Variants in CLMN observed in about 807,000 individuals in gnomAD.
The protein encoded by CLMN is calmin (calponin-like, transmembrane).
A neutral mutation model predicts 92.7 loss-of-function variants in CLMN; 57 were observed. The observed-to-expected ratio is 0.61, with a 90% CI of 0.50 to 0.77. The LOEUF is 0.77. Ranked by LOEUF, CLMN falls within the 30% of genes least tolerant of loss-of-function variation. The pLI is 0.00. For missense variants in CLMN, 1,158 were observed against 1,237.5 expected, an observed-to-expected ratio of 0.94 and a Z score of 0.96; for synonymous variants, 466 against 470.6, an observed-to-expected ratio of 0.99 and a Z score of 0.13.
intron 1 of CLMN, among the ~76,000 whole-genome samples, chr14:95,269,246 T>C (rs1899610661): frequency 6.6e-6 from 1 of 152,246 alleles, no homozygotes; most frequent in African/African-American, 2.4e-5. Flanking sequence ...ACATCCTTTT[T>C]GTATTCTTAA....
rs1398869782 is a variant in CLMN, at chr14:95,294,468, G to A, written c.82+25243C>T. 6.6e-6 allele frequency among the ~76,000 whole-genome samples: 1 copy of A among 152,154 alleles called. No homozygotes were observed. The highest frequency in any genetic ancestry group is 6.5e-5 in the Admixed American group (1 of 15,278). Reference sequence around the variant, plus strand: ...CCAGTCTGGGCCAAGAGGCATCCGCGGGGAAGGATCCTGTCCAACAGAAAG... The same window carrying A: ...CCAGTCTGGGCCAAGAGGCATCCGCAGGGAAGGATCCTGTCCAACAGAAAG... On this transcript the variant is annotated intron_variant, in intron 1 of 12. Transcript: ENST00000298912. The surrounding 1 kb of genome is among the most constrained non-coding windows in gnomAD (Gnocchi z 4.2).
At chr14:95,307,602 A>G (rs953671166) in intron 1 of CLMN, 3 of 152,280 alleles carry the variant, frequency 2.0e-5, no homozygotes, top group African/African-American at 7.2e-5. Context: ...TGGGAACTCA[A>G]TACAGGCCAT....
At chr14:95,263,810 G>C (rs976387252) in intron 1 of CLMN, among the ~76,000 whole-genome samples, 1 of 152,138 alleles carries the variant, frequency 6.6e-6, no homozygotes, top group African/African-American at 2.4e-5. Flanking sequence ...CACCTTGGGG[G>C]GTTGTTGTGA....
chr14:95,311,660 C>T (rs1027264074), intron 1 of CLMN, among the ~76,000 whole-genome samples: 2 of 152,122 alleles, frequency 1.3e-5, no homozygotes, highest in Non-Finnish European at 2.9e-5. Context: ...ACTGCATGGG[C>T]CCGTCTGGGA....
Position 95,294,616 on chromosome 14 carries a change from A to T in CLMN, c.82+25095T>A, listed in dbSNP as rs1900732803. 2.6e-5 allele frequency among the ~76,000 whole-genome samples: 4 copies of T among 152,192 alleles called. No individual in the cohort carries two copies. In the South Asian group the frequency reaches 8.3e-4, roughly 31 times the overall value. On this transcript the variant is annotated intron_variant, in intron 1 of 12. Transcript: ENST00000298912. This position sits in a 1 kb window ranked among gnomAD's most constrained non-coding sequence, Gnocchi z 4.2. ...CTTGTAGAAAAGGGCACTTATTTTC[A>T]GGTGTGATGGTGAGGATTAGGATAA...
chr14:95,307,022 G>C, intron 1 of CLMN, among the ~76,000 whole-genome samples: 1 of 152,178 alleles, frequency 6.6e-6, no homozygotes, highest in East Asian at 1.9e-4. Context: ...AAGGGGCTGG[G>C]GTCTCACTGT....
At chr14:95,276,296 T>C (rs1235492887) in intron 1 of CLMN, among the ~76,000 whole-genome samples, 1 of 152,194 alleles carries the variant, frequency 6.6e-6, no homozygotes, top group Non-Finnish European at 1.5e-5. Context: ...GTCCTCTTGG[T>C]GAAGTCCCTC....
chr14:95,285,745 G>C (rs138737711), intron 1 of CLMN, among the ~76,000 whole-genome samples: 5 of 152,150 alleles, frequency 3.3e-5, no homozygotes, highest in Non-Finnish European at 5.9e-5. Flanking sequence ...TCCAGGATGA[G>C]GTGGACTTTT....
intron 1 of CLMN, among the ~76,000 whole-genome samples, chr14:95,240,831 T>C (rs1566887779): frequency 6.6e-6 from 1 of 152,194 alleles, no homozygotes; most frequent in African/African-American, 2.4e-5. Flanking sequence ...CCTCAGTAGC[T>C]GGTGGTACAG....
intron 2 of CLMN, among the ~76,000 whole-genome samples, chr14:95,224,268 T>TATTG (rs1232235545): frequency 5.9e-5 from 9 of 151,794 alleles, no homozygotes; most frequent in African/African-American, 2.2e-4. Flanking sequence ...CCCTTCATTT[T>TATTG]ATTTATTTAT....
At chr14:95,215,250 A>G (rs1236318484) in intron 5 of CLMN, among the ~76,000 whole-genome samples, 3 of 152,230 alleles carry the variant, frequency 2.0e-5, no homozygotes, top group South Asian at 2.1e-4. Context: ...CTTCTTCCTC[A>G]GGCATCTTTA....
chr14:95,312,086 C>T (rs1292125658), intron 1 of CLMN, among the ~76,000 whole-genome samples: 1 of 152,170 alleles, frequency 6.6e-6, no homozygotes, highest in Non-Finnish European at 1.5e-5. Context: ...CACAGAGAAA[C>T]CTACAGGGCA....
chr14:95,258,631 G>T (rs540625226), intron 1 of CLMN, among the ~76,000 whole-genome samples: 1 of 147,920 alleles, frequency 6.8e-6, no homozygotes, highest in Non-Finnish European at 1.5e-5. Context: ...TGTATGTGTG[G>T]TGTGTGGTGT....
rs569967365 is a variant in CLMN at position 95,258,314 on chromosome 14, T to G, written c.83-28181A>C. ...TGTGTGTGTGGTGTATGTGTGTGTG[T>G]GGGGTGTGTGTATGTGTATGTGTGG... is the stretch of plus-strand genomic sequence containing the variant. On this transcript the variant is annotated intron_variant, in intron 1 of 12. Transcript: ENST00000298912. Among the ~76,000 whole-genome samples, 569 of 149,980 alleles carry G rather than the reference T, an allele frequency of 3.8e-3. 4 individuals are homozygous for G. Among genetic ancestry groups the G allele is most frequent in the African/African-American group, 0.012 (489 of 40,698 alleles).
chr14:95,307,068 G>A (rs76276627), intron 1 of CLMN, among the ~76,000 whole-genome samples: 7,278 of 152,294 alleles, frequency 0.048, 194 homozygotes, highest in Middle Eastern at 0.092. Context: ...GCAAGGGAAT[G>A]GGGAAACAGG....
At chr14:95,207,439 T>C (rs1897077037) in intron 8 of CLMN, among the ~76,000 whole-genome samples, 1 of 152,230 alleles carries the variant, frequency 6.6e-6, no homozygotes. Flanking sequence ...ATAGCCATCT[T>C]GCTCTGCAAT....
chr14:95,191,625 A>G lies in CLMN; in HGVS notation c.2948T>C (p.Phe983Ser). The G allele has an allele frequency of 1.2e-6, 2 of 1,613,846 alleles. No homozygotes were observed. The highest frequency in any genetic ancestry group is 1.7e-5 in the Admixed American group (1 of 60,020). Residue 983 changes from phenylalanine to serine, a missense_variant, in exon 13 of 13, where the codon TTC (phenylalanine) becomes TCC (serine). Coordinates refer to ENST00000298912, the MANE Select transcript of CLMN (RefSeq NM_024734.4). This position sits in a 1 kb window ranked among gnomAD's most constrained non-coding sequence, Gnocchi z 5.3. ...CAAGCAGTACACCAGGAGCCACAGG[A>G]AGAGAATAAAATACATCATATCCGG... ...QQPDMMYFILFLWLLVYCLLL... is the reference protein window; with the variant it reads ...QQPDMMYFILSLWLLVYCLLL...
rs377174984 is a variant in CLMN, at chr14:95,303,242, C to T, written c.82+16469G>A. On this transcript the variant is annotated intron_variant, in intron 1 of 12. Coordinates refer to ENST00000298912, the MANE Select transcript of CLMN (RefSeq NM_024734.4). ...AAGCAAGCAGGACTCCAACACCAAA[C>T]AATGCATGTTCTACCAAATAACTCA... Among the ~76,000 whole-genome samples the T allele has an allele frequency of 2.6e-5, 4 of 152,246 alleles. No homozygotes were observed. The East Asian group carries it at 5.8e-4, about 22-fold the overall frequency.
At chr14:95,241,871 C>A (rs995439161) in intron 1 of CLMN, among the ~76,000 whole-genome samples, 1 of 152,170 alleles carries the variant, frequency 6.6e-6, no homozygotes, top group South Asian at 2.1e-4. Context: ...CACGCACGCA[C>A]ACTCTCGCCG....
Sources: gnomAD v4.1 joint callset for allele counts (sites outside exome capture counted in the v4.1 genomes callset) on GRCh38, gnomAD v4.1.1 for gene constraint, Gnocchi (gnomAD v3.1) non-coding constraint, MANE v1.5 for transcripts, NCBI Gene and HGNC (gene_info 2026-07-23, HGNC 2026-07-21) for gene names.